RTL4: variants seen among roughly 807,000 people sequenced by gnomAD.
The protein encoded by RTL4 is retrotransposon Gag like 4.
Under a neutral mutation model 5.3 loss-of-function variants are expected in RTL4, and 4 were observed. The ratio of observed to expected loss-of-function variants is 0.75; its 90% CI spans 0.37 to 1.72. The LOEUF is 1.72. Ranked by LOEUF, RTL4 falls within the 40% of genes most tolerant of loss-of-function variation. The pLI, the probability that RTL4 is intolerant of heterozygous loss-of-function variation, is 0.04. For synonymous variants in RTL4, 98 were observed against 87.3 expected, an observed-to-expected ratio of 1.12 and a Z score of -0.68; for missense variants, 260 against 227.1, an observed-to-expected ratio of 1.14 and a Z score of -0.93.
At chrX:112,359,025 G>A in the RTL4 span, among the ~76,000 whole-genome samples, 1 of 111,635 alleles carries the variant, frequency 9.0e-6, no homozygotes, top group African/African-American at 3.3e-5. Flanking sequence ...AGTTGCTGGA[G>A]AGGCACATAA....
the RTL4 span, among the ~76,000 whole-genome samples, chrX:112,243,352 T>C: frequency 2.7e-5 from 3 of 111,439 alleles, no homozygotes; most frequent in African/African-American, 9.8e-5. Context: ...AGTAGGCTAT[T>C]AATTATTACC....
the RTL4 span, among the ~76,000 whole-genome samples, chrX:112,246,441 G>A: frequency 0.079 from 8,790 of 111,400 alleles, 836 homozygotes; most frequent in African/African-American, 0.27. Flanking sequence ...ACCCCTCCCC[G>A]AGCCAGGATG....
chrX:112,422,299 A>C, the RTL4 span, among the ~76,000 whole-genome samples: 22 of 111,756 alleles, frequency 2.0e-4, no homozygotes, highest in African/African-American at 7.1e-4. Context: ...TCTCTTATTT[A>C]ATCCTTTCAA....
chrX:112,247,362 G>T, the RTL4 span, among the ~76,000 whole-genome samples: 1 of 111,696 alleles, frequency 9.0e-6, no homozygotes, highest in Non-Finnish European at 1.9e-5. Flanking sequence ...CTATGGGTTT[G>T]CCTATTTTAG....
At chrX:112,356,579 G>GGGGTGTGTGT in the RTL4 span, among the ~76,000 whole-genome samples, 1 of 99,438 alleles carries the variant, frequency 1.0e-5, no homozygotes, top group African/African-American at 3.7e-5. Context: ...TTTGTTTTGG[G>GGGGTGTGTGT]GTGTGTGTGT....
the RTL4 span, among the ~76,000 whole-genome samples, chrX:112,264,389 CTT>C: frequency 1.2e-3 from 130 of 111,109 alleles, no homozygotes; most frequent in African/African-American, 4.2e-3. Context: ...GGTGCCAAGA[CTT>C]TAAATTTGAC....
At chrX:112,223,117 T>A in the RTL4 span, among the ~76,000 whole-genome samples, 1 of 111,729 alleles carries the variant, frequency 9.0e-6, no homozygotes, top group African/African-American at 3.3e-5. Flanking sequence ...ATCACAGAGA[T>A]TTTTTCATGC....
At chrX:112,211,062 G>A in the RTL4 span, among the ~76,000 whole-genome samples, 1 of 112,265 alleles carries the variant, frequency 8.9e-6, no homozygotes, top group Non-Finnish European at 1.9e-5. Flanking sequence ...GCCCCCTTCA[G>A]AAAATGACAC....
At chrX:112,426,861 C>T in the RTL4 span, among the ~76,000 whole-genome samples, 3 of 110,173 alleles carry the variant, frequency 2.7e-5, no homozygotes, top group Non-Finnish European at 3.8e-5. Flanking sequence ...ACTTGCATCC[C>T]GGAACTTAAA....
chrX:112,411,591 AAG>A, the RTL4 span, among the ~76,000 whole-genome samples: 1 of 111,830 alleles, frequency 8.9e-6, no homozygotes, highest in East Asian at 2.8e-4. Context: ...CAAGAGAATG[AAG>A]GACAAATACC....
At chrX:112,436,624 G>A in the RTL4 span, among the ~76,000 whole-genome samples, 1 of 111,181 alleles carries the variant, frequency 9.0e-6, no homozygotes, top group African/African-American at 3.3e-5. Flanking sequence ...ACATTCCATG[G>A]CAGCCCCTGA....
chrX:112,142,859 C>T, the RTL4 span, among the ~76,000 whole-genome samples: 1 of 111,217 alleles, frequency 9.0e-6, no homozygotes, highest in Admixed American at 9.6e-5. Flanking sequence ...GACAGAATCT[C>T]ATTCTGTCAC....
At chrX:112,139,372 C>G in the RTL4 span, among the ~76,000 whole-genome samples, 2 of 111,383 alleles carry the variant, frequency 1.8e-5, no homozygotes, top group Non-Finnish European at 3.8e-5. Context: ...AATTAAATTC[C>G]CTCCATCTCC....
At chrX:112,162,964 T>C in the RTL4 span, among the ~76,000 whole-genome samples, 107 of 112,129 alleles carry the variant, frequency 9.5e-4, no homozygotes, top group African/African-American at 3.3e-3. Context: ...CGCCTGCTGC[T>C]GATGCTAAAT....
chrX:112,425,128 T>G, the RTL4 span, among the ~76,000 whole-genome samples: 2 of 111,682 alleles, frequency 1.8e-5, no homozygotes, highest in Non-Finnish European at 3.8e-5. Flanking sequence ...CTGATCTGTC[T>G]ACTTTCTCTG....
At chrX:112,105,402 T>C in the RTL4 span, among the ~76,000 whole-genome samples, 1 of 111,580 alleles carries the variant, frequency 9.0e-6, no homozygotes, top group Non-Finnish European at 1.9e-5. Context: ...ATTTTTAGTA[T>C]TATTTGTTAT....
chrX:112,390,978 T>C, the RTL4 span, among the ~76,000 whole-genome samples: 1 of 112,253 alleles, frequency 8.9e-6, no homozygotes, highest in Non-Finnish European at 1.9e-5. Flanking sequence ...TTGGCCTTTT[T>C]ACATAATCCT....
the RTL4 span, among the ~76,000 whole-genome samples, chrX:112,317,192 T>C: frequency 1.8e-5 from 2 of 110,904 alleles, no homozygotes. Context: ...AATACAAAAA[T>C]TAACCGGGCA....
the RTL4 span, among the ~76,000 whole-genome samples, chrX:112,259,360 AG>A: frequency 3.6e-5 from 4 of 111,422 alleles, no homozygotes; most frequent in Non-Finnish European, 7.6e-5. Context: ...TGTTTGAAAC[AG>A]AATCTTTATT....
Sources: gnomAD v4.1 joint callset for allele counts (sites outside exome capture counted in the v4.1 genomes callset) on GRCh38, gnomAD v4.1.1 for gene constraint, MANE v1.5 for transcripts, NCBI Gene and HGNC (gene_info 2026-07-23, HGNC 2026-07-21) for gene names.